COMMD1: variants seen among roughly 807,000 people sequenced by gnomAD.
COMMD1 encodes COMM domain-containing protein 1.
In COMMD1, 10 loss-of-function variants were observed where a neutral mutation model predicts 17.2. The ratio of observed to expected loss-of-function variants is 0.58; its 90% CI spans 0.36 to 0.99. The LOEUF is 0.99. Ranked by LOEUF, COMMD1 falls within the 50% of genes least tolerant of loss-of-function variation. The probability of loss-of-function intolerance (pLI) is 0.01; values close to 1 mark genes in which losing one functional copy is unlikely to be tolerated. For missense variants in COMMD1, 270 were observed against 231.8 expected (o/e 1.17, Z -1.07); for synonymous variants, 97 against 91.6 (o/e 1.06, Z -0.34).
intron 2 of COMMD1, among the ~76,000 whole-genome samples, chr2:62,006,305 C>G (rs1441795834): frequency 1.3e-5 from 2 of 150,960 alleles, no homozygotes; most frequent in Non-Finnish European, 2.9e-5. Flanking sequence ...ATGTAACTAA[C>G]CTACACATTG....
chr2:62,025,215 G>A (rs1273130542), intron 2 of COMMD1, among the ~76,000 whole-genome samples: 3 of 151,838 alleles, frequency 2.0e-5, no homozygotes, highest in Non-Finnish European at 4.4e-5. Flanking sequence ...GCGAGACTCT[G>A]CCTCAAAAAA....
intron 1 of COMMD1, among the ~76,000 whole-genome samples, chr2:61,986,817 C>T (rs1359396514): frequency 6.6e-6 from 1 of 152,028 alleles, no homozygotes; most frequent in African/African-American, 2.4e-5. Context: ...AATCTGCCTG[C>T]CTTGGCCTCC....
intron 1 of COMMD1, among the ~76,000 whole-genome samples, chr2:61,899,906 A>G (rs1208985199): frequency 6.6e-6 from 1 of 152,126 alleles, no homozygotes; most frequent in Non-Finnish European, 1.5e-5. Flanking sequence ...TTCTGATCTC[A>G]AGTGATCCGC....
intron 1 of COMMD1, among the ~76,000 whole-genome samples, chr2:61,934,666 A>G (rs1001967621): frequency 6.6e-6 from 1 of 152,232 alleles, no homozygotes; most frequent in African/African-American, 2.4e-5. Flanking sequence ...TTCAATTAAG[A>G]AAGGGATGTG....
chr2:62,081,785 T>G (rs1244680281), intron 2 of COMMD1, among the ~76,000 whole-genome samples: 1 of 152,214 alleles, frequency 6.6e-6, no homozygotes, highest in African/African-American at 2.4e-5. Context: ...TGTAGTTGAT[T>G]GCTTTTTTTA....
upstream of COMMD1, chr2:61,888,470 G>A: frequency 6.2e-7 from 1 of 1,612,026 alleles, no homozygotes; most frequent in Non-Finnish European, 8.5e-7. Context: ...GGCAGCCCCG[G>A]CAGTCGCCCC....
intron 2 of COMMD1, among the ~76,000 whole-genome samples, chr2:62,015,535 A>G (rs1281683813): frequency 1.3e-5 from 2 of 152,136 alleles, no homozygotes; most frequent in Non-Finnish European, 2.9e-5. Flanking sequence ...TTGGGTATAT[A>G]CTAGGAGTGG....
chr2:62,008,287 G>C (rs1434346391), intron 2 of COMMD1, among the ~76,000 whole-genome samples: 1 of 152,152 alleles, frequency 6.6e-6, no homozygotes, highest in African/African-American at 2.4e-5. Context: ...TATCTGCTTT[G>C]TGTCATAGGG....
At chr2:62,116,632 A>G (rs183689268) in intron 2 of COMMD1, among the ~76,000 whole-genome samples, 57 of 130,260 alleles carry the variant, frequency 4.4e-4, no homozygotes, top group African/African-American at 1.7e-3. Flanking sequence ...AGATAGCACC[A>G]CTGCACTCCA....
At chr2:61,889,802 A>G (rs1319375704) in intron 1 of COMMD1, among the ~76,000 whole-genome samples, 1 of 152,162 alleles carries the variant, frequency 6.6e-6, no homozygotes, top group Non-Finnish European at 1.5e-5. Context: ...TGCATGACGT[A>G]GCCACTGACT....
chr2:62,088,833 G>A lies in COMMD1; in HGVS notation c.463-46998G>A, dbSNP rs913162702. The stretch of plus-strand genomic sequence containing the variant: ...GTCCTGAGAACATGTGCCCAAGGTC[G>A]TGGGGGTACAGCTTGGATTTATGTA... On this transcript the variant is annotated intron_variant, in intron 2 of 2. Transcript: ENST00000311832. Among the ~76,000 whole-genome samples, 4 of 152,244 alleles carry A rather than the reference G, an allele frequency of 2.6e-5. No homozygotes were observed. The East Asian group carries it at 5.8e-4, about 22-fold the overall frequency.
At chr2:61,939,494 G>T (rs1371524873) in intron 1 of COMMD1, among the ~76,000 whole-genome samples, 1 of 151,478 alleles carries the variant, frequency 6.6e-6, no homozygotes, top group Non-Finnish European at 1.5e-5. Context: ...AAAAAGAATT[G>T]ATTGGCTATG....
At chr2:62,022,559 TC>T (rs1369534641) in intron 2 of COMMD1, among the ~76,000 whole-genome samples, 3 of 151,676 alleles carry the variant, frequency 2.0e-5, no homozygotes, top group African/African-American at 7.3e-5. Flanking sequence ...TTGGATGTTG[TC>T]TTTGGAATGT....
chr2:62,041,731 G>A (rs1326774574), intron 2 of COMMD1, among the ~76,000 whole-genome samples: 1 of 152,120 alleles, frequency 6.6e-6, no homozygotes, highest in Non-Finnish European at 1.5e-5. Context: ...ACGGGTGAGT[G>A]TTACAGTTCT....
chr2:61,891,507 G>C (rs985431940), intron 1 of COMMD1, among the ~76,000 whole-genome samples: 1 of 152,050 alleles, frequency 6.6e-6, no homozygotes, highest in Admixed American at 6.6e-5. Flanking sequence ...AGGCCAAGGT[G>C]GGTGGATCAC....
At chr2:62,055,358 G>C (rs1035145766) in intron 2 of COMMD1, 12 of 448,376 alleles carry the variant, frequency 2.7e-5, no homozygotes, top group South Asian at 1.9e-4. Flanking sequence ...CCAATGATGA[G>C]ACAGCAGAAG....
At chr2:61,983,611 G>A (rs1181517477) in intron 1 of COMMD1, among the ~76,000 whole-genome samples, 1 of 152,120 alleles carries the variant, frequency 6.6e-6, no homozygotes, top group African/African-American at 2.4e-5. Context: ...ATTTCTTCTA[G>A]ATTGTCCAGT....
chr2:62,014,182 G>A (rs148802134), intron 2 of COMMD1, among the ~76,000 whole-genome samples: 1 of 152,288 alleles, frequency 6.6e-6, no homozygotes, highest in African/African-American at 2.4e-5. Context: ...TTGCCAGCAC[G>A]CAGCCCCTGG....
In COMMD1 at chr2:61,955,312, TTCTCTC is replaced by T. The variant is rs70946770; in HGVS notation, c.181-45369_181-45364del. Among the ~76,000 whole-genome samples the T allele has an allele frequency of 4.9e-3, 715 of 145,468 alleles. 5 individuals are homozygous for T. Among genetic ancestry groups the T allele is most frequent in the African/African-American group, 0.017 (675 of 39,676 alleles). ...GATTGCCAGAAGTTCCTCTCTCTCT[TTCTCTC>T]TCTCTCTCTCTCTCTCTCTGTCTCT... On this transcript the variant is annotated intron_variant, in intron 1 of 2. Transcript: ENST00000311832.
Sources: gnomAD v4.1 joint callset for allele counts (sites outside exome capture counted in the v4.1 genomes callset) on GRCh38, gnomAD v4.1.1 for gene constraint, MANE v1.5 for transcripts, NCBI Gene and HGNC (gene_info 2026-07-23, HGNC 2026-07-21) for gene names.